The following TMED5 variants were observed in gnomAD, a reference collection of about 807,000 sequenced individuals.
TMED5 encodes transmembrane p24 trafficking protein 5, also known as transmembrane emp24 domain-containing protein 5.
TMED5 carries 27 observed loss-of-function variants against 23.0 expected under a neutral mutation model. The observed-to-expected ratio is 1.17, with a 90% confidence interval of 0.86 to 1.62. The LOEUF is 1.62. Among genes scored for constraint, TMED5 ranks in the 40% most tolerant of loss-of-function variants. The pLI is 0.00. For missense variants in TMED5, 248 were observed against 273.7 expected (o/e 0.91, Z 0.66); for synonymous variants, 97 against 100.8 (o/e 0.96, Z 0.23).
chr1:93,155,388 TTATAAG>T (rs1648034437), intron 3 of TMED5, among the ~76,000 whole-genome samples: 1 of 152,186 alleles, frequency 6.6e-6, no homozygotes, highest in Non-Finnish European at 1.5e-5. Flanking sequence ...TTTATATTGT[TTATAAG>T]TAGTTATTTA....
intron 1 of TMED5, among the ~76,000 whole-genome samples, chr1:93,164,597 C>A (rs1314144416): frequency 6.6e-6 from 1 of 151,724 alleles, no homozygotes; most frequent in Non-Finnish European, 1.5e-5. Flanking sequence ...ATTTGTAGTT[C>A]ACAGTTTCAC....
chr1:93,180,258 C>G lies in TMED5; in HGVS notation c.-16G>C, dbSNP rs1439362627. The G allele has an allele frequency of 6.3e-7, 1 of 1,597,582 alleles. No individual in the cohort carries two copies. The highest frequency in any genetic ancestry group is 1.4e-5 in the African/African-American group (1 of 73,686). On this transcript the variant is annotated 5_prime_UTR_variant, in exon 1 of 4. Coordinates refer to ENST00000370282, the MANE Select transcript of TMED5 (RefSeq NM_016040.5). ...TGTCGCCCATCCCTGCTGGGGCGATCCCGGGCTGAAAGAGGCGTCAGGTAC... is the reference window on the plus strand; with the variant it reads ...TGTCGCCCATCCCTGCTGGGGCGATGCCGGGCTGAAAGAGGCGTCAGGTAC...
At position 93,154,741 on chromosome 1, in the gene TMED5, CCAT is replaced by C. The variant is rs755911006; in HGVS notation, c.616_618del (p.Met206del). 1.9e-6 allele frequency: 3 copies of C among 1,613,968 alleles called. No individual in the cohort carries two copies. Among genetic ancestry groups the C allele is most frequent in the Middle Eastern group, 3.3e-4 (2 of 6,082 alleles). On this transcript the variant is annotated inframe_deletion, in exon 4 of 4. Transcript: ENST00000370282. The stretch of plus-strand genomic sequence containing the variant: ...TAAACTTGAATGGCTGACACCACCA[CCAT>C]GACCACTAAATTAACCATAGACCAG...
rs192310168 is a variant in TMED5 at position 93,160,310 on chromosome 1, G to C, written c.190-84C>G. 359 of 766,116 alleles carry C rather than the reference G, an allele frequency of 4.7e-4. No homozygotes were observed. In the African/African-American group the frequency reaches 5.6e-3, roughly 12 times the overall value. 47.5% of individuals were successfully genotyped at this position (766,116 alleles called of 1,614,324 possible). A position where few individuals can be genotyped will look rare whatever the true frequency, so the allele number is the denominator to read the frequency against. On this transcript the variant is annotated intron_variant, in intron 1 of 3. Coordinates refer to ENST00000370282, the MANE Select transcript of TMED5 (RefSeq NM_016040.5). ...TATACAGTAGATCATATGATGTAAA[G>C]ATTATCTAAGCTAGAGAGGTAAGAA...
At chr1:93,169,109 C>T (rs1459683448) in intron 1 of TMED5, among the ~76,000 whole-genome samples, 1 of 152,188 alleles carries the variant, frequency 6.6e-6, no homozygotes, top group Non-Finnish European at 1.5e-5. Context: ...CTAATTGAAT[C>T]TTGAGAACTA....
chr1:93,165,785 A>T (rs1452776650), intron 1 of TMED5, among the ~76,000 whole-genome samples: 1 of 152,248 alleles, frequency 6.6e-6, no homozygotes, highest in African/African-American at 2.4e-5. Context: ...AAAATATTTT[A>T]AAAAGAACAA....
chr1:93,172,470 AAAAAAAAG>A (rs1648763137), intron 1 of TMED5, among the ~76,000 whole-genome samples: 1 of 152,064 alleles, frequency 6.6e-6, no homozygotes, highest in Non-Finnish European at 1.5e-5. Flanking sequence ...CACTAAAAGA[AAAAAAAAG>A]AAAAAAAGAA....
intron 1 of TMED5, among the ~76,000 whole-genome samples, chr1:93,179,519 C>G (rs951078352): frequency 2.0e-5 from 3 of 152,126 alleles, no homozygotes; most frequent in Non-Finnish European, 1.5e-5. Flanking sequence ...TTAAATATAG[C>G]AACAGCGTCT....
rs754272764 is a variant in TMED5 at position 93,160,124 on chromosome 1, C to G, written c.287+5G>C. The G allele has an allele frequency of 6.3e-7, 1 of 1,593,170 alleles. No homozygotes were observed. Among genetic ancestry groups the G allele is most frequent in the South Asian group, 1.1e-5 (1 of 90,418 alleles). On this transcript the variant is annotated splice_donor_5th_base_variant and intron_variant, in intron 2 of 3. Coordinates refer to ENST00000370282, the MANE Select transcript of TMED5 (RefSeq NM_016040.5). The stretch of plus-strand genomic sequence containing the variant: ...AATGAAACTCAACTAAAAGAGATTA[C>G]TTACGTGTGAACTCCATCTGATTTT...
Position 93,180,364 on chromosome 1 carries a change from C to A in TMED5, c.-122G>T, listed in dbSNP as rs1649308564. ...TGGAGTCTGAAGAAACTCCAGGTGGCGGCCGCGGCGGCGGCGAACACTCCC... is the reference window on the plus strand; with the variant it reads ...TGGAGTCTGAAGAAACTCCAGGTGGAGGCCGCGGCGGCGGCGAACACTCCC... On this transcript the variant is annotated 5_prime_UTR_variant, in exon 1 of 4. Coordinates refer to ENST00000370282, the MANE Select transcript of TMED5 (RefSeq NM_016040.5). 1.5e-6 allele frequency: 2 copies of A among 1,308,738 alleles called. No homozygotes were observed. Among genetic ancestry groups the A allele is most frequent in the Non-Finnish European group, 2.1e-6 (2 of 964,506 alleles). The allele number at this position is 1,308,738 out of a possible 1,614,324, so 81.1% of individuals were successfully genotyped here.
intron 2 of TMED5, among the ~76,000 whole-genome samples, chr1:93,159,678 A>T (rs75685901): frequency 8.8e-5 from 2 of 22,658 alleles, no homozygotes; most frequent in Non-Finnish European, 2.5e-4. Context: ...AGGTCTGAAT[A>T]AAAAAAAAAA....
chr1:93,159,580 A>T (rs1286929046), intron 2 of TMED5, among the ~76,000 whole-genome samples: 2 of 152,168 alleles, frequency 1.3e-5, no homozygotes, highest in Non-Finnish European at 2.9e-5. Flanking sequence ...CTCTGAACTC[A>T]AAGAGTTATA....
rs762417236 is a variant in TMED5, at chr1:93,158,581, TG to T, written c.287+1547del. On this transcript the variant is annotated intron_variant, in intron 2 of 3. Transcript: ENST00000370282. The stretch of plus-strand genomic sequence containing the variant: ...AAAAGATGAACTACATTTTTAGTTT[TG>T]TTTTTTTTTTTGAGATGGAGTCTCT... 1.8e-3 allele frequency among the ~76,000 whole-genome samples: 266 copies of T among 149,702 alleles called. 1 individual carries two copies. Among genetic ancestry groups the T allele is most frequent in the Non-Finnish European group, 2.7e-3 (184 of 67,064 alleles).
At position 93,150,080 on chromosome 1, in the gene TMED5, C is replaced by G. The variant is rs1229315618; in HGVS notation, c.*4590G>C. 1.3e-5 allele frequency: 2 copies of G among 152,222 alleles called. No individual in the cohort carries two copies. The highest frequency in any genetic ancestry group is 2.9e-5 in the Non-Finnish European group (2 of 68,046). 9.4% of individuals were successfully genotyped at this position (152,222 alleles called of 1,614,324 possible). On this transcript the variant is annotated 3_prime_UTR_variant, in exon 4 of 4. Coordinates refer to ENST00000370282, the MANE Select transcript of TMED5 (RefSeq NM_016040.5). ...TTATGTAATCACCACAATCAAACTA[C>G]AGAACTTTTCCACCACAAGGCTCCC...
chr1:93,160,061 T>A, intron 2 of TMED5, 68 bp downstream of exon 2: 1 of 909,658 alleles, frequency 1.1e-6, no homozygotes, highest in Non-Finnish European at 1.8e-6. Flanking sequence ...TGTGCTAACT[T>A]TCCATGCCCT....
chr1:93,159,586 T>C (rs1315568140), intron 2 of TMED5, among the ~76,000 whole-genome samples: 1 of 151,894 alleles, frequency 6.6e-6, no homozygotes, highest in African/African-American at 2.4e-5. Flanking sequence ...ACTCAAAGAG[T>C]TATAACAAGT....
intron 1 of TMED5, among the ~76,000 whole-genome samples, chr1:93,175,201 A>ATATATATATATATATATATATATATATAT: frequency 1.8e-4 from 26 of 141,342 alleles, no homozygotes; most frequent in African/African-American, 6.5e-4. Context: ...ATATATATAT[A>ATATATATATATATATATATATATATATAT]AATGGACCTC....
intron 1 of TMED5, chr1:93,160,691 A>C (rs941412583): frequency 6.6e-6 from 1 of 152,556 alleles, no homozygotes; most frequent in Admixed American, 6.5e-5. Flanking sequence ...CCCTGTCTCT[A>C]CTAAAAATAG....
At chr1:93,175,829 G>A (rs755670658) in intron 1 of TMED5, among the ~76,000 whole-genome samples, 1 of 152,042 alleles carries the variant, frequency 6.6e-6, no homozygotes, top group Non-Finnish European at 1.5e-5. Flanking sequence ...TGCCTATTAT[G>A]CCCTTAAAAA....
Sources: allele counts gnomAD v4.1 joint callset (sites outside exome capture counted in the v4.1 genomes callset), GRCh38; gene constraint gnomAD v4.1.1; transcripts MANE v1.5; gene names NCBI Gene and HGNC (gene_info 2026-07-23, HGNC 2026-07-21).